The following PRRC2C variants were observed in gnomAD, a reference collection of about 807,000 sequenced individuals.
The protein encoded by PRRC2C is proline rich coiled-coil 2C.
In PRRC2C, 72 loss-of-function variants were observed where a neutral mutation model predicts 317.2. The ratio of observed to expected loss-of-function variants is 0.23; its 90% CI spans 0.19 to 0.28. PRRC2C has a LOEUF of 0.28. PRRC2C is among the 10% of genes least tolerant of loss of function. PRRC2C has a pLI of 1.00. For synonymous variants in PRRC2C, 1,296 were observed against 1,205.9 expected (o/e 1.07, Z -1.55); for missense variants, 3,074 against 3,459.7 (o/e 0.89, Z 2.80).
At chr1:171,493,477 A>G (rs1667553478) in intron 1 of PRRC2C, among the ~76,000 whole-genome samples, 1 of 152,206 alleles carries the variant, frequency 6.6e-6, no homozygotes, top group Non-Finnish European at 1.5e-5. Context: ...TGGGTGACAG[A>G]GTAAAACTGT....
chr1:171,532,575 TC>T lies in PRRC2C; in HGVS notation c.1489del (p.Leu497TrpfsTer73). ...KLKRLDEKLG[I>X]LEKQPSPEEI... ...AAACGATTGGATGAGAAGCTTGGCATCCTGGAAAAACAACCATCTCCAGAGG... is the reference window on the plus strand; with the variant it reads ...AAACGATTGGATGAGAAGCTTGGCATCTGGAAAAACAACCATCTCCAGAGG... On this transcript the variant is annotated frameshift_variant, in exon 12 of 35. Coordinates refer to ENST00000647382, the MANE Select transcript of PRRC2C (RefSeq NM_001387844.1). LOFTEE classifies it high-confidence loss of function. 6.4e-7 allele frequency: 1 copy of T among 1,567,514 alleles called. No homozygotes were observed. The highest frequency in any genetic ancestry group is 8.6e-7 in the Non-Finnish European group (1 of 1,156,198).
intron 1 of PRRC2C, among the ~76,000 whole-genome samples, chr1:171,507,885 A>G (rs1402841649): frequency 6.6e-6 from 1 of 152,152 alleles, no homozygotes; most frequent in Non-Finnish European, 1.5e-5. Flanking sequence ...ATTACTCCTA[A>G]GAACTTTATT....
In PRRC2C at chr1:171,591,777, T is replaced by C; in HGVS notation, c.8627T>C (p.Ile2876Thr). 6.2e-7 allele frequency: 1 copy of C among 1,611,024 alleles called. No homozygotes were observed. The highest frequency in any genetic ancestry group is 8.5e-7 in the Non-Finnish European group (1 of 1,179,598). Residue 2876 changes from isoleucine (I) to threonine (T), a missense_variant, in exon 35 of 35, where the codon ATA becomes ACA. This residue lies in a region of PRRC2C where 78 missense variants were observed against 97.7 expected (regional missense o/e 0.80). Coordinates refer to ENST00000647382, the MANE Select transcript of PRRC2C (RefSeq NM_001387844.1). The stretch of plus-strand genomic sequence containing the variant: ...GAAAAGCCACCCCCTGCACCCTCCA[T>C]AGCCACCAAACCTGTTAGAACTGGA... ...VEEKPPPAPSIATKPVRTGPI... is the reference protein window; with the variant it reads ...VEEKPPPAPSTATKPVRTGPI...
At position 171,513,636 on chromosome 1, in the gene PRRC2C, C is replaced by G. The variant is rs61814458; in HGVS notation, c.290+464C>G. On this transcript the variant is annotated intron_variant, in intron 3 of 34. Transcript: ENST00000647382. The stretch of plus-strand genomic sequence containing the variant: ...TTAGGATAGAATTAATAGTGTCCAT[C>G]TTAGTCATCCTTCTTTCAACAACTA... 2.6e-3 allele frequency among the ~76,000 whole-genome samples: 394 copies of G among 152,276 alleles called. 1 individual carries two copies. Among genetic ancestry groups the G allele is most frequent in the Non-Finnish European group, 4.1e-3 (281 of 68,022 alleles).
chr1:171,492,728 A>AT (rs1039424404), intron 1 of PRRC2C, among the ~76,000 whole-genome samples: 1 of 96,592 alleles, frequency 1.0e-5, no homozygotes, highest in Non-Finnish European at 2.3e-5. Context: ...GGGTAGGGGA[A>AT]TTTTTTTAAT....
intron 18 of PRRC2C, among the ~76,000 whole-genome samples, chr1:171,552,857 TG>T (rs2102600464): frequency 6.6e-6 from 1 of 152,314 alleles, no homozygotes; most frequent in East Asian, 1.9e-4. Context: ...CTGCTGGATT[TG>T]GTTGACCAGT....
intron 6 of PRRC2C, among the ~76,000 whole-genome samples, chr1:171,521,447 G>A (rs1673533699): frequency 6.6e-6 from 1 of 152,178 alleles, no homozygotes. Context: ...ATCTGGACCT[G>A]TTTGGGACAG....
chr1:171,501,646 AAT>A (rs1401922590), intron 1 of PRRC2C, among the ~76,000 whole-genome samples: 9 of 152,324 alleles, frequency 5.9e-5, no homozygotes, highest in Admixed American at 3.9e-4. Context: ...GTAGGACAGT[AAT>A]ATAAAAAGTA....
chr1:171,499,750 G>A (rs1668754594), intron 1 of PRRC2C, among the ~76,000 whole-genome samples: 1 of 152,140 alleles, frequency 6.6e-6, no homozygotes, highest in Non-Finnish European at 1.5e-5. Context: ...ATTTCAGTGA[G>A]CCAAGATCGT....
chr1:171,521,818 A>C (rs1312978939), intron 6 of PRRC2C, among the ~76,000 whole-genome samples: 1 of 152,218 alleles, frequency 6.6e-6, no homozygotes, highest in Non-Finnish European at 1.5e-5. Context: ...AATGTAATTT[A>C]TATCTTGTTG....
Position 171,540,314 on chromosome 1 carries a change from A to G in PRRC2C, c.2848A>G (p.Lys950Glu), listed in dbSNP as rs988808052. Residue 950 changes from lysine to glutamate, a missense_variant, in exon 16 of 35, where the codon AAA becomes GAA. Lys to Glu is a moderately conservative substitution (Grantham distance 56, BLOSUM62 1). This residue lies in a region of PRRC2C where 1,320 missense variants were observed against 1,395.7 expected (regional missense o/e 0.95). Transcript: ENST00000647382. ...QRSEPSAGIP[K>E]VTSRCIDSKE... ...AAGTGAACCATCTGCAGGCATTCCT[A>G]AAGTAACCAGCAGATGCATTGATTC... 1.9e-5 allele frequency: 30 copies of G among 1,613,660 alleles called. No homozygotes were observed. Among genetic ancestry groups the G allele is most frequent in the Non-Finnish European group, 2.5e-5 (29 of 1,179,828 alleles).
chr1:171,574,536 C>T (rs373804550), intron 24 of PRRC2C, among the ~76,000 whole-genome samples: 1 of 152,306 alleles, frequency 6.6e-6, no homozygotes, highest in Non-Finnish European at 1.5e-5. Flanking sequence ...ATCTTGTTAC[C>T]TTGCCTTTTA....
intron 31 of PRRC2C, among the ~76,000 whole-genome samples, chr1:171,587,443 T>C (rs1452491869): frequency 1.3e-5 from 2 of 152,222 alleles, no homozygotes; most frequent in Non-Finnish European, 2.9e-5. Flanking sequence ...TTGGAAGAAT[T>C]GGATTTATAG....
intron 24 of PRRC2C, among the ~76,000 whole-genome samples, chr1:171,573,964 A>C (rs926126232): frequency 5.3e-5 from 8 of 151,970 alleles, no homozygotes; most frequent in Non-Finnish European, 7.4e-5. Context: ...GGGGTGAGCC[A>C]CCGCACCCGG....
chr1:171,559,956 G>T (rs1176962127), intron 19 of PRRC2C, among the ~76,000 whole-genome samples: 1 of 152,208 alleles, frequency 6.6e-6, no homozygotes, highest in Non-Finnish European at 1.5e-5. Context: ...TATACAGGAA[G>T]ATTTATGTTG....
intron 7 of PRRC2C, 50 bp from the exon 8 acceptor site, chr1:171,523,171 G>A: frequency 6.6e-7 from 1 of 1,511,856 alleles, no homozygotes; most frequent in African/African-American, 1.4e-5. Context: ...TATTCTCCCA[G>A]TTTAGTATCA....
At chr1:171,550,611 T>TC (rs1680023931) in intron 18 of PRRC2C, among the ~76,000 whole-genome samples, 1 of 116,860 alleles carries the variant, frequency 8.6e-6, no homozygotes, top group Non-Finnish European at 1.8e-5. Flanking sequence ...ATGCTATCCC[T>TC]CCCCCCTCCC....
At chr1:171,546,536 G>A (rs1248226867) in intron 17 of PRRC2C, among the ~76,000 whole-genome samples, 7 of 152,196 alleles carry the variant, frequency 4.6e-5, no homozygotes, top group Admixed American at 1.3e-4. Flanking sequence ...GGTTCTCAAA[G>A]TGTGGTCCCC....
Position 171,514,563 on chromosome 1 carries a change from A to G in PRRC2C, c.318A>G (p.Pro106=). 1 of 1,558,816 alleles carries G rather than the reference A, an allele frequency of 6.4e-7. No homozygotes were observed. Among genetic ancestry groups the G allele is most frequent in the South Asian group, 1.2e-5 (1 of 84,352 alleles). ...CACCAGAAGTGCCACCAGCACAGCCAAAACCTGGGGTTGCAGCTCCCCCAG... is the reference window on the plus strand; with the variant it reads ...CACCAGAAGTGCCACCAGCACAGCCGAAACCTGGGGTTGCAGCTCCCCCAG... ...EKTPEVPPAQ[P]KPGVAAPPEV... The change falls in exon 4 of 35, where the codon CCA becomes CCG. Residue 106 remains proline, a synonymous_variant. Coordinates refer to ENST00000647382, the MANE Select transcript of PRRC2C (RefSeq NM_001387844.1).
Sources: allele counts gnomAD v4.1 joint callset (sites outside exome capture counted in the v4.1 genomes callset), GRCh38; gene constraint gnomAD v4.1.1; regional missense constraint gnomAD v4.1.1; transcripts MANE v1.5; gene names NCBI Gene and HGNC (gene_info 2026-07-23, HGNC 2026-07-21).